Variants in TENM1 observed in about 807,000 individuals in gnomAD.
The protein encoded by TENM1 is teneurin transmembrane protein 1.
In TENM1, 35 loss-of-function variants were observed where a neutral mutation model predicts 174.8. That is an observed-to-expected ratio of 0.20 (90% CI 0.15 to 0.27). TENM1 has a LOEUF of 0.27. Among genes scored for constraint, TENM1 ranks in the 10% least tolerant of loss-of-function variants. The probability of loss-of-function intolerance (pLI) is 1.00; values close to 1 mark genes in which losing one functional copy is unlikely to be tolerated. For synonymous variants in TENM1, 781 were observed against 798.7 expected (o/e 0.98, Z 0.37); for missense variants, 1,633 against 2,130.1 (o/e 0.77, Z 4.59).
At chrX:125,144,596 C>A in the TENM1 span, among the ~76,000 whole-genome samples, 2 of 111,797 alleles carry the variant, frequency 1.8e-5, no homozygotes, top group African/African-American at 6.5e-5. Context: ...AATGAACCAA[C>A]CAAGTTTCCA....
intron 18 of TENM1, among the ~76,000 whole-genome samples, chrX:124,519,004 G>A (rs972819354): frequency 2.7e-5 from 3 of 112,202 alleles, no homozygotes; most frequent in Non-Finnish European, 5.6e-5. Context: ...CAAGTTAGCA[G>A]ACCACATAGA....
intron 4 of TENM1, among the ~76,000 whole-genome samples, chrX:124,717,443 C>G (rs1184196529): frequency 4.5e-5 from 5 of 111,575 alleles, no homozygotes; most frequent in East Asian, 2.8e-4. Context: ...AGCCAAGATG[C>G]AAGGTCATGT....
chrX:125,144,089 C>T, the TENM1 span, among the ~76,000 whole-genome samples: 1 of 111,682 alleles, frequency 9.0e-6, no homozygotes, highest in Admixed American at 9.6e-5. Flanking sequence ...AATTCATTAG[C>T]ATTATCAGTG....
chrX:124,847,640 G>A (rs1034740707), intron 3 of TENM1, among the ~76,000 whole-genome samples: 1 of 111,691 alleles, frequency 9.0e-6, no homozygotes, highest in African/African-American at 3.2e-5. Context: ...TCATTCAAAA[G>A]AGAATAAATA....
At chrX:124,415,153 A>C (rs2060580049) in intron 25 of TENM1, among the ~76,000 whole-genome samples, 1 of 112,189 alleles carries the variant, frequency 8.9e-6, no homozygotes, top group Non-Finnish European at 1.9e-5. Flanking sequence ...ACTAGAGGAC[A>C]AAAGTGAAAA....
chrX:125,180,768 C>T, the TENM1 span, among the ~76,000 whole-genome samples: 1 of 111,426 alleles, frequency 9.0e-6, no homozygotes, highest in Non-Finnish European at 1.9e-5. Flanking sequence ...TCTTCTCATG[C>T]TTACATTCCA....
chrX:124,764,697 T>C (rs1468375536), intron 3 of TENM1, among the ~76,000 whole-genome samples: 4 of 107,781 alleles, frequency 3.7e-5, no homozygotes, highest in African/African-American at 1.4e-4. Flanking sequence ...TTTTTTTTTT[T>C]ACATTGGAAA....
At chrX:124,937,038 C>T (rs1366385030) in intron 1 of TENM1, among the ~76,000 whole-genome samples, 2 of 100,293 alleles carry the variant, frequency 2.0e-5, no homozygotes, top group Non-Finnish European at 3.9e-5. Flanking sequence ...AAGAGTGAAA[C>T]TCTGCCTCAA....
chrX:124,942,279 ATT>A (rs2058339539), intron 1 of TENM1, among the ~76,000 whole-genome samples: 1 of 111,445 alleles, frequency 9.0e-6, no homozygotes, highest in Non-Finnish European at 1.9e-5. Context: ...CTTTCTCTAG[ATT>A]ATTGCAACAT....
In TENM1 at chrX:124,642,025, T is replaced by C. The variant is rs1299347266; in HGVS notation, c.1877-34A>G. 5.6e-6 allele frequency: 6 copies of C among 1,076,906 alleles called. No homozygotes were observed. The Admixed American group carries it at 1.3e-4, about 24-fold the overall frequency. 88.7% of individuals were successfully genotyped at this position (1,076,906 alleles called of 1,213,427 possible). A position where few individuals can be genotyped will look rare whatever the true frequency, so the allele number is the denominator to read the frequency against. On this transcript the variant is annotated intron_variant, in intron 10 of 31. Coordinates refer to ENST00000422452, the Ensembl canonical transcript of TENM1. ...ACAAAAAAGTGGGGGGGAGGGGTGA[T>C]TAATAGTGAACAGGTATGGCCAACA...
intron 6 of TENM1, 148 bp downstream of exon 9, chrX:124,671,535 G>C: frequency 1.9e-6 from 1 of 532,898 alleles, no homozygotes; most frequent in East Asian, 4.0e-5. Context: ...GCTTTCACAA[G>C]ATATTTACAT....
rs184504630 is a variant in TENM1 at position 124,619,774 on chromosome X, T to C, written c.2077+22017A>G. ...TCCCCGATAACTAGTGAATCGAGCA[T>C]CTTTTTCCCTTGCTATTTAAAAAAC... On this transcript the variant is annotated intron_variant, in intron 11 of 31. Transcript: ENST00000422452. 7.1e-5 allele frequency among the ~76,000 whole-genome samples: 8 copies of C among 112,277 alleles called. No homozygotes were observed. The East Asian group carries it at 1.4e-3, about 20-fold the overall frequency.
chrX:125,008,414 A>G, the TENM1 span, among the ~76,000 whole-genome samples: 1 of 111,696 alleles, frequency 9.0e-6, no homozygotes, highest in Non-Finnish European at 1.9e-5. Flanking sequence ...AGAGACTTAG[A>G]CTCCTACACA....
intron 23 of TENM1, among the ~76,000 whole-genome samples, chrX:124,449,228 T>C (rs1231806508): frequency 8.9e-6 from 1 of 111,879 alleles, no homozygotes; most frequent in Non-Finnish European, 1.9e-5. Flanking sequence ...TAAAGTTGTG[T>C]ACAGAAAGGG....
At chrX:124,589,279 C>A (rs760106574) in intron 11 of TENM1, among the ~76,000 whole-genome samples, 67 of 110,677 alleles carry the variant, frequency 6.1e-4, no homozygotes, top group Non-Finnish European at 5.7e-5. Flanking sequence ...TTTTGATGTA[C>A]TGATGGATTC....
At chrX:124,762,602 T>C (rs935227258) in intron 3 of TENM1, among the ~76,000 whole-genome samples, 8 of 111,688 alleles carry the variant, frequency 7.2e-5, no homozygotes, top group Non-Finnish European at 1.3e-4. Flanking sequence ...GATTTGTTAC[T>C]GTATTTAATC....
chrX:124,522,119 C>T (rs1365036554), intron 17 of TENM1, among the ~76,000 whole-genome samples: 2 of 111,914 alleles, frequency 1.8e-5, no homozygotes, highest in Non-Finnish European at 3.8e-5. Flanking sequence ...ATCAAATGTA[C>T]TCATTAAACA....
the TENM1 span, among the ~76,000 whole-genome samples, chrX:125,074,657 G>A: frequency 9.0e-6 from 1 of 111,110 alleles, no homozygotes; most frequent in Non-Finnish European, 1.9e-5. Flanking sequence ...TCCTTTCCCA[G>A]TCTTAGGTCT....
At chrX:125,098,900 G>A in the TENM1 span, among the ~76,000 whole-genome samples, 1 of 112,112 alleles carries the variant, frequency 8.9e-6, no homozygotes, top group Non-Finnish European at 1.9e-5. Context: ...GTACTATATT[G>A]GTTTACAAAA....
Sources: allele counts gnomAD v4.1 joint callset (sites outside exome capture counted in the v4.1 genomes callset), GRCh38; gene constraint gnomAD v4.1.1; transcripts MANE v1.5; gene names NCBI Gene and HGNC (gene_info 2026-07-23, HGNC 2026-07-21).